RUVBL1: variants seen among roughly 807,000 people sequenced by gnomAD.
RUVBL1 encodes the protein ruvB-like 1.
In RUVBL1, 4 loss-of-function variants were observed where a neutral mutation model predicts 52.4. That is an observed-to-expected ratio of 0.08 (90% CI 0.04 to 0.17). The LOEUF (loss-of-function observed/expected upper bound fraction) is 0.17, where lower values mean the gene tolerates loss of function less well. Ranked by LOEUF, RUVBL1 falls within the 10% of genes least tolerant of loss-of-function variation. The pLI is 1.00. For missense variants in RUVBL1, 298 were observed against 572.8 expected, an observed-to-expected ratio of 0.52 and a Z score of 4.90; for synonymous variants, 217 against 214.4, an observed-to-expected ratio of 1.01 and a Z score of -0.10.
chr3:128,150,868 ATAT>A (rs1944186724), intron 1 of RUVBL1, among the ~76,000 whole-genome samples: 1 of 73,434 alleles, frequency 1.4e-5, no homozygotes, highest in Admixed American at 2.3e-4. Flanking sequence ...TATATATTAT[ATAT>A]ATATATTCTA....
At chr3:128,125,146 C>G (rs1000159565), upstream of RUVBL1, among the ~76,000 whole-genome samples, 3 of 150,616 alleles carry the variant, frequency 2.0e-5, no homozygotes, top group African/African-American at 7.3e-5. Flanking sequence ...TCCCGAGTAG[C>G]TGGGACTACA....
intron 4 of RUVBL1, among the ~76,000 whole-genome samples, chr3:128,103,959 G>A (rs780697882): frequency 5.3e-5 from 8 of 152,162 alleles, no homozygotes; most frequent in African/African-American, 1.7e-4. Flanking sequence ...AGGCTCTCAC[G>A]ATAACATTAA....
chr3:128,138,301 T>G (rs76464926), intron 1 of RUVBL1, among the ~76,000 whole-genome samples: 1 of 151,886 alleles, frequency 6.6e-6, no homozygotes, highest in African/African-American at 2.4e-5. Context: ...AAAGATTACA[T>G]GCACACACAC....
chr3:128,076,640 C>A (rs930608232), downstream of RUVBL1, among the ~76,000 whole-genome samples: 3 of 152,204 alleles, frequency 2.0e-5, no homozygotes, highest in African/African-American at 7.2e-5. This position sits in a 1 kb window ranked among gnomAD's most constrained non-coding sequence, Gnocchi z 6.8. Flanking sequence ...CTCCTCCCCC[C>A]ACCCCTCAGG....
intron 1 of RUVBL1, among the ~76,000 whole-genome samples, chr3:128,151,312 G>T (rs1018647806): frequency 2.7e-5 from 4 of 147,106 alleles, no homozygotes; most frequent in Non-Finnish European, 5.9e-5. Context: ...TGATCTGCCT[G>T]CCTCAGCCTC....
chr3:128,079,331 G>A (rs1210716228), downstream of RUVBL1, among the ~76,000 whole-genome samples: 1 of 152,196 alleles, frequency 6.6e-6, no homozygotes, highest in Non-Finnish European at 1.5e-5. Flanking sequence ...CAGGAGTTAG[G>A]AACACAGGTT....
downstream of RUVBL1, among the ~76,000 whole-genome samples, chr3:128,076,259 T>A (rs1942319679): frequency 6.6e-6 from 1 of 152,016 alleles, no homozygotes; most frequent in Non-Finnish European, 1.5e-5. The surrounding 1 kb of genome is among the most constrained non-coding windows in gnomAD (Gnocchi z 6.8). Flanking sequence ...CCTCACCCGG[T>A]GGGGAGCGAG....
intron 4 of RUVBL1, among the ~76,000 whole-genome samples, chr3:128,103,982 A>C (rs537916404): frequency 6.6e-6 from 1 of 152,350 alleles, no homozygotes. Context: ...GCTATCATTC[A>C]TTAGGTAACT....
At chr3:128,130,843 G>A (rs1289966957) in intron 1 of RUVBL1, among the ~76,000 whole-genome samples, 4 of 151,730 alleles carry the variant, frequency 2.6e-5, no homozygotes, top group Admixed American at 2.6e-4. Flanking sequence ...GTAGAGACCG[G>A]GTTTCACCGT....
exon 1 of RUVBL1, chr3:128,153,687 G>C: frequency 1.9e-6 from 3 of 1,591,954 alleles, no homozygotes; most frequent in Non-Finnish European, 2.5e-6. Context: ...CGGTGCCGCT[G>C]CCCGCGCGCC....
At chr3:128,118,545 C>A (rs755376610) in intron 2 of RUVBL1, among the ~76,000 whole-genome samples, 1 of 152,130 alleles carries the variant, frequency 6.6e-6, no homozygotes, top group African/African-American at 2.4e-5. Flanking sequence ...CCACATCAAG[C>A]GGCCCTTTTG....
intron 1 of RUVBL1, among the ~76,000 whole-genome samples, chr3:128,141,190 C>T (rs1944015986): frequency 2.0e-5 from 3 of 152,170 alleles, no homozygotes; most frequent in Admixed American, 6.5e-5. Flanking sequence ...CTGAAGATGG[C>T]TCTTCATATC....
chr3:128,145,498 C>G (rs1944090504), intron 1 of RUVBL1, among the ~76,000 whole-genome samples: 1 of 152,232 alleles, frequency 6.6e-6, no homozygotes, highest in African/African-American at 2.4e-5. Flanking sequence ...CCCCAGAGGT[C>G]TGAGGAAGCT....
intron 4 of RUVBL1, among the ~76,000 whole-genome samples, chr3:128,103,601 G>C (rs1241479945): frequency 6.6e-6 from 1 of 152,214 alleles, no homozygotes. Context: ...TGAGAAAACT[G>C]AGTCCCAGAG....
At chr3:128,145,575 G>A (rs1228510318) in intron 1 of RUVBL1, among the ~76,000 whole-genome samples, 6 of 152,216 alleles carry the variant, frequency 3.9e-5, no homozygotes, top group South Asian at 2.1e-4. Flanking sequence ...GGATGGGCAC[G>A]GTGTGTGTGT....
chr3:128,141,930 G>A (rs1041540240), intron 1 of RUVBL1: 4 of 152,202 alleles, frequency 2.6e-5, no homozygotes, highest in African/African-American at 7.2e-5. Flanking sequence ...GGGCCATGCT[G>A]TCTCTGTCTC....
Position 128,106,226 on chromosome 3 carries a change from G to C in RUVBL1, c.362-1302C>G, listed in dbSNP as rs550688699. On this transcript the variant is annotated intron_variant, in intron 3 of 10. Coordinates refer to ENST00000322623, the MANE Select transcript of RUVBL1 (RefSeq NM_003707.3). ...CATAACAACAAAACCAATTTCCAAA[G>C]CACCTTACATTAGAATATTGCAAAT... 2.0e-5 allele frequency among the ~76,000 whole-genome samples: 3 copies of C among 152,144 alleles called. No individual in the cohort carries two copies. In the East Asian group the frequency reaches 5.8e-4, roughly 29 times the overall value.
chr3:128,108,549 A>AG (rs1425300445), intron 3 of RUVBL1, among the ~76,000 whole-genome samples: 2 of 152,190 alleles, frequency 1.3e-5, no homozygotes, highest in East Asian at 3.8e-4. Flanking sequence ...AAAAATACTC[A>AG]GGGACCAGAC....
intron 8 of RUVBL1, among the ~76,000 whole-genome samples, chr3:128,092,544 T>C (rs1942868211): frequency 2.0e-5 from 3 of 151,874 alleles, no homozygotes; most frequent in Admixed American, 6.6e-5. Context: ...GGGCAAAGGA[T>C]GTGAATAAAC....
Sources: allele counts gnomAD v4.1 joint callset (sites outside exome capture counted in the v4.1 genomes callset), GRCh38; gene constraint gnomAD v4.1.1; non-coding constraint Gnocchi (gnomAD v3.1); transcripts MANE v1.5; gene names NCBI Gene and HGNC (gene_info 2026-07-23, HGNC 2026-07-21).